ANK3: variants seen among roughly 807,000 people sequenced by gnomAD.
ANK3 encodes the protein ankyrin 3, also known as ankyrin-3.
In ANK3, 57 loss-of-function variants were observed where a neutral mutation model predicts 370.9. The observed-to-expected ratio is 0.15, with a 90% CI of 0.12 to 0.19. The LOEUF (loss-of-function observed/expected upper bound fraction) is 0.19, where lower values mean the gene tolerates loss of function less well. Among genes scored for constraint, ANK3 ranks in the 10% least tolerant of loss-of-function variants. ANK3 has a pLI of 1.00. For synonymous variants in ANK3, 1,929 were observed against 1,946.3 expected, an observed-to-expected ratio of 0.99 and a Z score of 0.23; for missense variants, 4,439 against 5,302.1, an observed-to-expected ratio of 0.84 and a Z score of 5.06.
intron 2 of ANK3, among the ~76,000 whole-genome samples, chr10:60,531,876 A>C (rs2076614075): frequency 1.3e-5 from 2 of 152,078 alleles, no homozygotes; most frequent in Non-Finnish European, 2.9e-5. Flanking sequence ...TATCTCTAGG[A>C]ATGGGGCCAG....
intron 37 of ANK3, 109 bp from the exon 38 acceptor site, chr10:60,068,118 A>G: frequency 1.1e-6 from 1 of 911,354 alleles, no homozygotes; most frequent in Non-Finnish European, 1.7e-6. Flanking sequence ...CTAACACTGT[A>G]CACTGAAATG....
At chr10:60,108,122 GA>G (rs1418645708) in intron 27 of ANK3, 5 of 382,732 alleles carry the variant, frequency 1.3e-5, no homozygotes, top group Non-Finnish European at 2.1e-5. Flanking sequence ...GGGTGTGACA[GA>G]AAAAAATTGA....
At chr10:60,393,636 C>T (rs2063157763), upstream of ANK3, among the ~76,000 whole-genome samples, 1 of 152,092 alleles carries the variant, frequency 6.6e-6, no homozygotes, top group Non-Finnish European at 1.5e-5. Context: ...AAGTATTTCT[C>T]CCCGCTCATT....
At chr10:60,173,025 T>C (rs1452305317) in intron 19 of ANK3, 27 bp from the exon 20 acceptor site, 2 of 1,609,426 alleles carry the variant, frequency 1.2e-6, no homozygotes, top group Admixed American at 1.7e-5. Context: ...GAAGAGATGA[T>C]TCTTAATTCC....
chr10:60,242,144 T>C (rs1433785328), intron 7 of ANK3, among the ~76,000 whole-genome samples: 1 of 152,170 alleles, frequency 6.6e-6, no homozygotes, highest in Non-Finnish European at 1.5e-5. Flanking sequence ...GTTTTTAGTC[T>C]CTAACCTACT....
intron 2 of ANK3, among the ~76,000 whole-genome samples, chr10:60,575,783 A>G (rs1157662172): frequency 6.6e-6 from 1 of 152,170 alleles, no homozygotes; most frequent in Non-Finnish European, 1.5e-5. Context: ...AAATAGGGCA[A>G]ATTTCATTTA....
intron 1 of ANK3, among the ~76,000 whole-genome samples, chr10:60,648,888 C>T (rs945550374): frequency 6.6e-6 from 1 of 151,506 alleles, no homozygotes; most frequent in Non-Finnish European, 1.5e-5. Context: ...GCTCCTGCTC[C>T]TGCTCCCCCA....
intron 1 of ANK3, among the ~76,000 whole-genome samples, chr10:60,725,084 G>C (rs1469424423): frequency 6.6e-6 from 1 of 152,104 alleles, no homozygotes; most frequent in South Asian, 2.1e-4. Flanking sequence ...TGTACTTTAT[G>C]TAAGTACTCT....
At chr10:60,189,918 A>G (rs2096441553) in intron 16 of ANK3, among the ~76,000 whole-genome samples, 1 of 152,248 alleles carries the variant, frequency 6.6e-6, no homozygotes, top group Non-Finnish European at 1.5e-5. Flanking sequence ...CCATATCAAT[A>G]GATATGTTGC....
At chr10:60,605,276 A>G (rs2078113679) in intron 2 of ANK3, among the ~76,000 whole-genome samples, 1 of 151,976 alleles carries the variant, frequency 6.6e-6, no homozygotes, top group Non-Finnish European at 1.5e-5. Flanking sequence ...TGATCTGTCT[A>G]CAGACTCAAA....
Position 60,074,627 on chromosome 10 carries a change from G to A in ANK3, c.6254C>T (p.Ser2085Phe). The change falls in exon 37 of 44, where the codon TCC becomes TTC. Residue 2085 changes from serine to phenylalanine, a missense_variant. Transcript: ENST00000280772. ...TTTCTCAGAGGTGGAAGTCCTCATGGAGGCTGGAGGCATTTTGAGTTTGTG... is the reference window on the plus strand; with the variant it reads ...TTTCTCAGAGGTGGAAGTCCTCATGAAGGCTGGAGGCATTTTGAGTTTGTG... ...QEHKLKMPPA[S>F]MRTSTSEKEL... 1.2e-6 allele frequency: 2 copies of A among 1,613,936 alleles called. No individual in the cohort carries two copies. The highest frequency in any genetic ancestry group is 2.2e-5 in the South Asian group (2 of 90,992).
intron 23 of ANK3, among the ~76,000 whole-genome samples, chr10:60,164,991 G>A (rs1023700769): frequency 6.6e-6 from 1 of 152,168 alleles, no homozygotes; most frequent in Non-Finnish European, 1.5e-5. Flanking sequence ...TTCTAGTTAA[G>A]TAACGAGGTC....
At chr10:60,728,867 G>A (rs1370621841) in intron 1 of ANK3, among the ~76,000 whole-genome samples, 2 of 152,142 alleles carry the variant, frequency 1.3e-5, no homozygotes, top group Non-Finnish European at 2.9e-5. Context: ...GCCAGGGGTG[G>A]TGGGTAACAA....
chr10:60,085,698 C>T (rs182445921), intron 30 of ANK3, among the ~76,000 whole-genome samples: 1 of 150,290 alleles, frequency 6.7e-6, no homozygotes, highest in Non-Finnish European at 1.5e-5. Context: ...TCACTGCAAC[C>T]TCCGCCTCCT....
In ANK3 at chr10:60,682,870, CT is replaced by C. The variant is rs551180077; in HGVS notation, c.57+50392del. Among the ~76,000 whole-genome samples the C allele has an allele frequency of 1.4e-4, 21 of 152,322 alleles. 1 individual carries two copies. The East Asian group carries it at 4.1e-3, about 29-fold the overall frequency. On this transcript the variant is annotated intron_variant, in intron 1 of 43. Transcript: ENST00000373827. The stretch of plus-strand genomic sequence containing the variant: ...AAACACAGGTAAATGTTTCCCTGAG[CT>C]CTGTCAGCTGCTCTAGCAAATTAAT...
At chr10:60,651,574 G>A (rs1017240024) in intron 1 of ANK3, among the ~76,000 whole-genome samples, 2 of 152,114 alleles carry the variant, frequency 1.3e-5, no homozygotes, top group Non-Finnish European at 2.9e-5. Context: ...GCTATATAAT[G>A]CAGCACAGAT....
chr10:60,387,915 A>C (rs1414956416), intron 1 of ANK3, among the ~76,000 whole-genome samples: 1 of 152,218 alleles, frequency 6.6e-6, no homozygotes, highest in Non-Finnish European at 1.5e-5. Flanking sequence ...TATAGTGTCA[A>C]TATTAATATG....
chr10:60,445,366 G>A (rs1770682043), intron 2 of ANK3, among the ~76,000 whole-genome samples: 1 of 151,868 alleles, frequency 6.6e-6, no homozygotes, highest in Non-Finnish European at 1.5e-5. Flanking sequence ...CTCCAGCTTG[G>A]GCAAAAGAGC....
intron 28 of ANK3, among the ~76,000 whole-genome samples, chr10:60,100,234 G>GTTTTTTTTTGTTTTTTT (rs2090969235): frequency 1.7e-5 from 1 of 57,896 alleles, no homozygotes; most frequent in Non-Finnish European, 2.8e-5. Context: ...TTTTGCTATG[G>GTTTTTTTTTGTTTTTTT]TTTTTTTTTT....
Sources: gnomAD v4.1 joint callset for allele counts (sites outside exome capture counted in the v4.1 genomes callset) on GRCh38, gnomAD v4.1.1 for gene constraint, MANE v1.5 for transcripts, NCBI Gene and HGNC (gene_info 2026-07-23, HGNC 2026-07-21) for gene names.